Variants in SCIMP observed in about 807,000 individuals in gnomAD.
The protein encoded by SCIMP is SLP adapter and CSK-interacting membrane protein.
A neutral mutation model predicts 22.0 loss-of-function variants in SCIMP; 18 were observed. The observed-to-expected ratio is 0.82, with a 90% CI of 0.56 to 1.21. The LOEUF is 1.21. SCIMP is among the 50% of genes most tolerant of loss of function. SCIMP has a pLI of 0.00. For missense variants in SCIMP, 155 were observed against 171.2 expected (o/e 0.91, Z 0.53); for synonymous variants, 53 against 62.2 (o/e 0.85, Z 0.70).
In SCIMP at chr17:5,210,159, C is replaced by T. The variant is rs531780861; in HGVS notation, c.*642G>A. ...AAAACCTAGGTGAAAACTCAAATCT[C>T]TATGGTCAATTTGGCCTACATCATA... On this transcript the variant is annotated 3_prime_UTR_variant, in exon 5 of 5. Coordinates refer to ENST00000574081, the MANE Select transcript of SCIMP (RefSeq NM_207103.3). 4 of 152,246 alleles carry T rather than the reference C, an allele frequency of 2.6e-5. No homozygotes were observed. In the East Asian group the frequency reaches 7.7e-4, roughly 29 times the overall value. 9.4% of individuals were successfully genotyped at this position (152,246 alleles called of 1,614,324 possible).
chr17:5,232,023 T>G lies in SCIMP; in HGVS notation c.21+2712A>C, dbSNP rs191337265. ...GTGAGCCGAGATTGCGCCACTGCAC[T>G]CCAGCCTGGGCGACAGAGCGAGACT... is the stretch of plus-strand genomic sequence containing the variant. On this transcript the variant is annotated intron_variant, in intron 1 of 4. Transcript: ENST00000574081. Among the ~76,000 whole-genome samples, 703 of 151,580 alleles carry G rather than the reference T, an allele frequency of 4.6e-3. 5 individuals carry two copies. Among genetic ancestry groups the G allele is most frequent in the African/African-American group, 0.016 (669 of 41,284 alleles).
intron 1 of SCIMP, among the ~76,000 whole-genome samples, chr17:5,233,287 C>A (rs1297194140): frequency 6.6e-6 from 1 of 152,142 alleles, no homozygotes; most frequent in African/African-American, 2.4e-5. Flanking sequence ...ATTGCATTTT[C>A]GCTGGCCCCT....
rs1349098704 is a variant in SCIMP, at chr17:5,211,055, C to G, written c.284-100G>C. 6 of 1,496,304 alleles carry G rather than the reference C, an allele frequency of 4.0e-6. No homozygotes were observed. In the African/African-American group the frequency reaches 8.4e-5, roughly 21 times the overall value. 92.7% of individuals were successfully genotyped at this position (1,496,304 alleles called of 1,614,324 possible). On this transcript the variant is annotated intron_variant, in intron 4 of 4. Transcript: ENST00000574081. ...TGATTTTCACGTTTCAGTGATCTTCCCACTTCTAGTGGGCCAGATCCCCAT... is the reference window on the plus strand; with the variant it reads ...TGATTTTCACGTTTCAGTGATCTTCGCACTTCTAGTGGGCCAGATCCCCAT...
At chr17:5,220,149 A>T (rs2074595194) in intron 3 of SCIMP, among the ~76,000 whole-genome samples, 1 of 152,172 alleles carries the variant, frequency 6.6e-6, no homozygotes, top group Non-Finnish European at 1.5e-5. Context: ...CACAAAACAC[A>T]AAAGTAAAGT....
At chr17:5,223,094 G>C (rs993080846) in intron 2 of SCIMP, among the ~76,000 whole-genome samples, 2 of 152,142 alleles carry the variant, frequency 1.3e-5, no homozygotes, top group Non-Finnish European at 2.9e-5. Flanking sequence ...AGATGATTAG[G>C]GCTGGAAGGG....
intron 3 of SCIMP, among the ~76,000 whole-genome samples, chr17:5,218,076 AGT>A (rs947371016): frequency 2.0e-5 from 3 of 151,826 alleles, no homozygotes; most frequent in African/African-American, 7.3e-5. Flanking sequence ...CCCAGGCTGG[AGT>A]TCAGTGGCAC....
At chr17:5,216,646 A>G (rs1457634696) in intron 3 of SCIMP, among the ~76,000 whole-genome samples, 3 of 152,222 alleles carry the variant, frequency 2.0e-5, no homozygotes, top group African/African-American at 4.8e-5. Flanking sequence ...AGCCTGGGCA[A>G]CAGAGTGAGA....
At chr17:5,213,259 C>CGT (rs34941444) in intron 4 of SCIMP, 2 of 884,610 alleles carry the variant, frequency 2.3e-6, no homozygotes, top group Non-Finnish European at 2.7e-6. Flanking sequence ...TTTTCCATCC[C>CGT]TTTTTTTTTT....
intron 1 of SCIMP, among the ~76,000 whole-genome samples, chr17:5,231,898 T>C (rs536958888): frequency 6.6e-6 from 1 of 151,886 alleles, no homozygotes; most frequent in Non-Finnish European, 1.5e-5. Context: ...ACTTAAAAAA[T>C]ACAAAAAATT....
chr17:5,225,694 A>T (rs2074642511), intron 1 of SCIMP, among the ~76,000 whole-genome samples: 1 of 151,640 alleles, frequency 6.6e-6, no homozygotes, highest in South Asian at 2.1e-4. Flanking sequence ...CCTGGGAGTC[A>T]GAGGTTGCGG....
chr17:5,215,249 G>A, intron 3 of SCIMP: 1 of 417,998 alleles, frequency 2.4e-6, no homozygotes, highest in Non-Finnish European at 4.3e-6. Context: ...ATAATTCAGA[G>A]CATGGAGCAC....
chr17:5,220,452 AAAG>A (rs1297459917), intron 3 of SCIMP, among the ~76,000 whole-genome samples: 1 of 151,206 alleles, frequency 6.6e-6, no homozygotes. Flanking sequence ...AAAAAAAAAA[AAAG>A]AGGCTGGGTG....
In SCIMP at chr17:5,209,513, G is replaced by A. The variant is rs1448611947; in HGVS notation, c.*1288C>T. On this transcript the variant is annotated 3_prime_UTR_variant, in exon 5 of 5. Transcript: ENST00000574081. ...GAGGGAGAAAGCTTGAAAATGGGAGGAACACATTTTCCCATCTCTTGAGGG... is the reference window on the plus strand; with the variant it reads ...GAGGGAGAAAGCTTGAAAATGGGAGAAACACATTTTCCCATCTCTTGAGGG... 6.6e-6 allele frequency: 1 copy of A among 152,136 alleles called. No individual in the cohort carries two copies. The highest frequency in any genetic ancestry group is 1.9e-4 in the East Asian group (1 of 5,196). The allele number at this position is 152,136 out of a possible 1,614,324, so 9.4% of individuals were successfully genotyped here. A position where few individuals can be genotyped will look rare whatever the true frequency, so the allele number is the denominator to read the frequency against.
intron 3 of SCIMP, among the ~76,000 whole-genome samples, chr17:5,217,983 G>A (rs943163551): frequency 5.9e-5 from 9 of 152,074 alleles, no homozygotes; most frequent in Admixed American, 3.9e-4. Context: ...CTGAGGAATC[G>A]CCACACTGAC....
chr17:5,222,521 C>T lies in SCIMP; in HGVS notation c.145+812G>A, dbSNP rs572311311. 3.3e-5 allele frequency among the ~76,000 whole-genome samples: 5 copies of T among 152,250 alleles called. No individual in the cohort carries two copies. In the East Asian group the frequency reaches 9.6e-4, roughly 29 times the overall value. On this transcript the variant is annotated intron_variant, in intron 2 of 4. Coordinates refer to ENST00000574081, the MANE Select transcript of SCIMP (RefSeq NM_207103.3). ...TCTAAAGTTAGTGTTAATCCCTAGG[C>T]CACTTATTTATGTCTGAGGGTGCCA...
chr17:5,211,098 GAC>G (rs1299612659), intron 4 of SCIMP, 143 bp from the exon 5 acceptor site: 5 of 1,342,482 alleles, frequency 3.7e-6, no homozygotes, highest in Non-Finnish European at 4.9e-6. Flanking sequence ...AGGAAATTTA[GAC>G]ACAGACCTGA....
intron 1 of SCIMP, among the ~76,000 whole-genome samples, chr17:5,232,715 C>CTT (rs10713853): frequency 4.1e-5 from 6 of 145,846 alleles, no homozygotes; most frequent in African/African-American, 1.0e-4. Flanking sequence ...CGTTCTTCTT[C>CTT]TTTTTTTTTT....
At chr17:5,223,718 T>C (rs2074626086) in intron 1 of SCIMP, 40 of 387,350 alleles carry the variant, frequency 1.0e-4, no homozygotes, top group South Asian at 8.8e-4. Flanking sequence ...CCTGGCTAAT[T>C]TTTGTATTTT....
chr17:5,218,027 C>G (rs2074578424), intron 3 of SCIMP, among the ~76,000 whole-genome samples: 1 of 151,874 alleles, frequency 6.6e-6, no homozygotes, highest in Admixed American at 6.6e-5. Context: ...ACCGTCCCAC[C>G]AACATTTTTT....
Sources: allele counts gnomAD v4.1 joint callset (sites outside exome capture counted in the v4.1 genomes callset), GRCh38; gene constraint gnomAD v4.1.1; transcripts MANE v1.5; gene names NCBI Gene and HGNC (gene_info 2026-07-23, HGNC 2026-07-21).